The following THSD7B variants were observed in gnomAD, a reference collection of about 807,000 sequenced individuals.
THSD7B encodes thrombospondin type 1 domain containing 7B.
Under a neutral mutation model 213.6 loss-of-function variants are expected in THSD7B, and 138 were observed. That is an observed-to-expected ratio of 0.65 (90% CI 0.56 to 0.74). THSD7B has a LOEUF of 0.74. THSD7B is among the 30% of genes least tolerant of loss of function. THSD7B has a pLI of 0.00. For synonymous variants in THSD7B, 742 were observed against 687.0 expected (o/e 1.08, Z -1.25); for missense variants, 1,931 against 1,991.5 (o/e 0.97, Z 0.58).
At chr2:137,301,315 C>T (rs1391604151) in intron 12 of THSD7B, among the ~76,000 whole-genome samples, 1 of 152,078 alleles carries the variant, frequency 6.6e-6, no homozygotes, top group East Asian at 1.9e-4. Flanking sequence ...TTTCATTATT[C>T]CATCACTGGT....
chr2:137,300,466 A>C (rs1323685360), intron 12 of THSD7B, among the ~76,000 whole-genome samples: 34 of 152,072 alleles, frequency 2.2e-4, no homozygotes, highest in Admixed American at 2.2e-3. Context: ...CAGTGATTGT[A>C]GGGTATGTTT....
At chr2:137,073,262 A>G (rs999595771) in intron 3 of THSD7B, among the ~76,000 whole-genome samples, 3 of 152,096 alleles carry the variant, frequency 2.0e-5, no homozygotes, top group African/African-American at 7.2e-5. Context: ...CAAGCTATTA[A>G]TTATTGCCTC....
chr2:137,115,653 TTA>T (rs1688436360), intron 5 of THSD7B, among the ~76,000 whole-genome samples: 1 of 152,184 alleles, frequency 6.6e-6, no homozygotes, highest in Non-Finnish European at 1.5e-5. Flanking sequence ...AAAGGAATTT[TTA>T]TGTGTGTGAA....
At chr2:137,216,229 T>C (rs1379371941) in intron 7 of THSD7B, among the ~76,000 whole-genome samples, 2 of 151,706 alleles carry the variant, frequency 1.3e-5, no homozygotes, top group Admixed American at 1.3e-4. Context: ...AGTATAAAAA[T>C]TCTGCCAAAA....
chr2:137,513,424 G>A (rs1680008477), intron 15 of THSD7B, among the ~76,000 whole-genome samples: 1 of 152,082 alleles, frequency 6.6e-6, no homozygotes, highest in African/African-American at 2.4e-5. Context: ...ATAAATCTAG[G>A]CTTGATCAAT....
At chr2:136,929,919 G>A (rs544075394) in intron 2 of THSD7B, among the ~76,000 whole-genome samples, 1 of 152,298 alleles carries the variant, frequency 6.6e-6, no homozygotes, top group South Asian at 2.1e-4. Flanking sequence ...TTTCATGACA[G>A]CTACAGAGAA....
At chr2:137,405,882 C>T (rs533761931) in intron 13 of THSD7B, 75 bp downstream of exon 13, 1 of 1,353,542 alleles carries the variant, frequency 7.4e-7, no homozygotes, top group African/African-American at 1.5e-5. Context: ...ATATGAGGTC[C>T]AAAGGACAGG....
chr2:137,631,236 A>C (rs1305858071), intron 20 of THSD7B, among the ~76,000 whole-genome samples: 2 of 152,204 alleles, frequency 1.3e-5, no homozygotes, highest in Non-Finnish European at 2.9e-5. Context: ...TCAAAGATCA[A>C]AGCTTGTAAT....
intron 12 of THSD7B, among the ~76,000 whole-genome samples, chr2:137,340,906 C>T (rs938838014): frequency 6.6e-6 from 1 of 150,620 alleles, no homozygotes; most frequent in Non-Finnish European, 1.5e-5. Context: ...GACATCTCTT[C>T]AATAAACTGA....
At chr2:137,347,524 T>G (rs887666752) in intron 12 of THSD7B, among the ~76,000 whole-genome samples, 2 of 151,250 alleles carry the variant, frequency 1.3e-5, no homozygotes, top group Non-Finnish European at 3.0e-5. Flanking sequence ...TCACTAGGCT[T>G]GTTTGGAATG....
chr2:137,079,189 C>T (rs1224606397), intron 3 of THSD7B, among the ~76,000 whole-genome samples: 2 of 151,790 alleles, frequency 1.3e-5, no homozygotes, highest in Non-Finnish European at 2.9e-5. Context: ...TTTCTATGTA[C>T]ATTTGGAAGA....
At chr2:136,766,185 T>A (rs2104894025) in intron 1 of THSD7B, among the ~76,000 whole-genome samples, 1 of 152,336 alleles carries the variant, frequency 6.6e-6, no homozygotes, top group South Asian at 2.1e-4. Context: ...CCCGTAGCGC[T>A]GACTGCGAAA....
chr2:137,620,501 T>C (rs1386193958), intron 19 of THSD7B, 108 bp from the exon 20 acceptor site: 1 of 743,858 alleles, frequency 1.3e-6, no homozygotes, highest in Non-Finnish European at 2.2e-6. Context: ...CACTGAAATA[T>C]GGAAAGGTTA....
chr2:137,398,459 T>A (rs1686255732), intron 12 of THSD7B, among the ~76,000 whole-genome samples: 1 of 151,788 alleles, frequency 6.6e-6, no homozygotes, highest in Non-Finnish European at 1.5e-5. Flanking sequence ...GGGGGGTGCC[T>A]CCCAGTTAGG....
Position 136,924,345 on chromosome 2 carries a change from T to C in THSD7B, c.139+42028T>C, listed in dbSNP as rs1253216929. ...ATCCACCTGCCTTGCTGTTTAGATT[T>C]TAAATCTACTTATATTCTTACTTTT... On this transcript the variant is annotated intron_variant, in intron 2 of 27. Transcript: ENST00000409968. 3.0e-3 allele frequency among the ~76,000 whole-genome samples: 8 copies of C among 2,706 alleles called. No homozygotes were observed. In the Non-Finnish European group the frequency reaches 0.061, roughly 21 times the overall value. 1.8% of individuals were successfully genotyped at this position (2,706 alleles called of 152,430 possible).
chr2:137,559,459 G>A (rs1041245930), intron 15 of THSD7B, among the ~76,000 whole-genome samples: 2 of 152,098 alleles, frequency 1.3e-5, no homozygotes, highest in African/African-American at 4.8e-5. Context: ...AACAAGAAAT[G>A]GGGAAAGGAT....
chr2:136,774,758 A>C (rs1681570422), intron 1 of THSD7B, among the ~76,000 whole-genome samples: 1 of 152,132 alleles, frequency 6.6e-6, no homozygotes, highest in East Asian at 1.9e-4. Context: ...GTGTAAGAGT[A>C]TGTGCATGAT....
chr2:137,129,923 G>A (rs1456856980), intron 5 of THSD7B, among the ~76,000 whole-genome samples: 4 of 152,136 alleles, frequency 2.6e-5, no homozygotes, highest in Non-Finnish European at 5.9e-5. Flanking sequence ...AGCATTAGTG[G>A]GAAAATGTAG....
At chr2:136,779,198 A>ATATGTGTG (rs1491418061) in intron 1 of THSD7B, among the ~76,000 whole-genome samples, 5 of 55,088 alleles carry the variant, frequency 9.1e-5, no homozygotes, top group Admixed American at 3.6e-4. Context: ...ATATATATAT[A>ATATGTGTG]TGTGTGTGTG....
Sources: allele counts gnomAD v4.1 joint callset (sites outside exome capture counted in the v4.1 genomes callset), GRCh38; gene constraint gnomAD v4.1.1; transcripts MANE v1.5; gene names NCBI Gene and HGNC (gene_info 2026-07-23, HGNC 2026-07-21).